The following SMARCA4 variants were observed in gnomAD, a reference collection of about 807,000 sequenced individuals.
SMARCA4 encodes the protein SWI/SNF-related matrix-associated actin-dependent regulator of chromatin subfamily A member 4.
Under a neutral mutation model 193.9 loss-of-function variants are expected in SMARCA4, and 31 were observed. The ratio of observed to expected loss-of-function variants is 0.16; its 90% confidence interval spans 0.12 to 0.22. The LOEUF (loss-of-function observed/expected upper bound fraction) is 0.22. SMARCA4 is among the 10% of genes least tolerant of loss of function. SMARCA4 has a pLI of 1.00. For synonymous variants in SMARCA4, 942 were observed against 933.1 expected, an observed-to-expected ratio of 1.01 and a Z score of -0.17; for missense variants, 1,148 against 2,296.0, an observed-to-expected ratio of 0.50 and a Z score of 10.22.
chr19:10,976,279 C>T (rs1013107005), intron 1 of SMARCA4, among the ~76,000 whole-genome samples: 6 of 152,132 alleles, frequency 3.9e-5, no homozygotes, highest in South Asian at 2.1e-4. Context: ...TTGGCCTTCC[C>T]GTGTAGACAT....
intron 34 of SMARCA4, among the ~76,000 whole-genome samples, chr19:11,061,143 G>A (rs1280545636): frequency 3.5e-5 from 5 of 142,506 alleles, no homozygotes; most frequent in African/African-American, 1.3e-4. Flanking sequence ...AGCCGTGATA[G>A]CACCACTGCA....
At chr19:11,050,237 C>T (rs893179816) in intron 30 of SMARCA4, among the ~76,000 whole-genome samples, 3 of 152,234 alleles carry the variant, frequency 2.0e-5, no homozygotes, top group Admixed American at 1.3e-4. Flanking sequence ...AAGACGGTGA[C>T]GGGTCCAGGC....
At chr19:10,982,668 C>CT (rs1231371625) in intron 1 of SMARCA4, among the ~76,000 whole-genome samples, 6 of 150,442 alleles carry the variant, frequency 4.0e-5, no homozygotes, top group South Asian at 2.1e-4. Context: ...CCCGGCTAAG[C>CT]TTTTTTTTTG....
At chr19:11,023,148 C>T (rs2089996573) in intron 19 of SMARCA4, among the ~76,000 whole-genome samples, 1 of 152,198 alleles carries the variant, frequency 6.6e-6, no homozygotes, top group Admixed American at 6.5e-5. Flanking sequence ...CTGGCCCCTG[C>T]AGCGCTCCTG....
In SMARCA4 at chr19:11,060,123, C is replaced by T. The variant is rs878854234; in HGVS notation, c.4847C>T (p.Pro1616Leu). 37 of 1,550,818 alleles carry T rather than the reference C, an allele frequency of 2.4e-5. No homozygotes were observed. Among genetic ancestry groups the T allele is most frequent in the African/African-American group, 2.7e-5 (2 of 73,044 alleles). Residue 1616 changes from proline (P) to leucine (L), a missense_variant, in exon 34 of 35, where the codon CCG becomes CTG. By Grantham distance (98) the Pro-to-Leu change is moderately conservative. This residue lies in a region of SMARCA4 where 105 missense variants were observed against 133.7 expected (regional missense o/e 0.79). Coordinates refer to ENST00000344626, the MANE Select transcript of SMARCA4 (RefSeq NM_003072.5). ...QDRLKGGRRR[P>L]SRGSRAKPVV... ...CGGCTGAAGGGCGGCCGGCGGCGGC[C>T]GAGCCGAGGGTCCCGAGCCAAGCCG...
chr19:10,978,243 G>A (rs887481251), intron 1 of SMARCA4, among the ~76,000 whole-genome samples: 11 of 152,186 alleles, frequency 7.2e-5, no homozygotes, highest in Non-Finnish European at 1.3e-4. Context: ...TACGGTAGAC[G>A]AGGATTTCTT....
intron 18 of SMARCA4, chr19:11,020,658 C>T (rs1457896732): frequency 6.6e-6 from 1 of 152,352 alleles, no homozygotes; most frequent in African/African-American, 2.4e-5. Flanking sequence ...CTCAAGGAAT[C>T]CTCTCGCCTT....
Position 11,058,699 on chromosome 19 carries a change from T to C in SMARCA4, c.4534-89T>C. ...ACATCCTCATAGGCACGAGGAATCC[T>C]AGCCCGTGGGGTCTCCAGCACACAG... On this transcript the variant is annotated intron_variant, in intron 31 of 34. Coordinates refer to ENST00000344626, the MANE Select transcript of SMARCA4 (RefSeq NM_003072.5). This position sits in a 1 kb window ranked among gnomAD's most constrained non-coding sequence, Gnocchi z 5.8. 1 of 1,131,718 alleles carries C rather than the reference T, an allele frequency of 8.8e-7. No homozygotes were observed. The highest frequency in any genetic ancestry group is 1.2e-5 in the South Asian group (1 of 80,284). 70.1% of individuals were successfully genotyped at this position (1,131,718 alleles called of 1,614,324 possible). A position where few individuals can be genotyped will look rare whatever the true frequency, so the allele number is the denominator to read the frequency against.
At chr19:10,999,736 C>G (rs913028184) in intron 11 of SMARCA4, among the ~76,000 whole-genome samples, 1 of 152,190 alleles carries the variant, frequency 6.6e-6, no homozygotes, top group Non-Finnish European at 1.5e-5. Flanking sequence ...TTATCCTTTC[C>G]GCCTTTCCAT....
At chr19:10,988,431 T>C (rs1292724940) in intron 6 of SMARCA4, among the ~76,000 whole-genome samples, 3 of 152,184 alleles carry the variant, frequency 2.0e-5, no homozygotes, top group Non-Finnish European at 4.4e-5. Context: ...ATGATTGATA[T>C]CAGATCTACT....
chr19:10,988,196 C>G (rs549787494), intron 6 of SMARCA4, among the ~76,000 whole-genome samples: 1 of 152,198 alleles, frequency 6.6e-6, no homozygotes, highest in East Asian at 1.9e-4. Context: ...TCTCGGTTCA[C>G]TGCAACCTGC....
chr19:11,054,260 C>T (rs2076419520), intron 30 of SMARCA4, among the ~76,000 whole-genome samples: 1 of 152,228 alleles, frequency 6.6e-6, no homozygotes, highest in African/African-American at 2.4e-5. Flanking sequence ...TTCCTGGTGT[C>T]CAACCCTGAG....
intron 11 of SMARCA4, among the ~76,000 whole-genome samples, chr19:11,001,241 G>C (rs2087605877): frequency 6.6e-6 from 1 of 152,036 alleles, no homozygotes; most frequent in Non-Finnish European, 1.5e-5. Flanking sequence ...GGCTGAGGTG[G>C]GAGGATTGCT....
chr19:10,988,448 A>T (rs1158846797), intron 6 of SMARCA4, among the ~76,000 whole-genome samples: 1 of 152,166 alleles, frequency 6.6e-6, no homozygotes, highest in Non-Finnish European at 1.5e-5. Flanking sequence ...TACTCCGTGG[A>T]TTAAAACCTG....
At chr19:11,006,648 A>G (rs1355554719) in intron 13 of SMARCA4, among the ~76,000 whole-genome samples, 1 of 152,116 alleles carries the variant, frequency 6.6e-6, no homozygotes, top group Non-Finnish European at 1.5e-5. Flanking sequence ...TACCTAGGAA[A>G]TCCAAGAGAA....
intron 16 of SMARCA4, chr19:11,018,349 A>C: frequency 9.8e-6 from 2 of 204,742 alleles, no homozygotes; most frequent in Non-Finnish European, 1.0e-5. Flanking sequence ...ACCCCTCCCC[A>C]CTGCATTCTG....
At chr19:10,989,579 C>T in intron 7 of SMARCA4, 136 bp downstream of exon 7, 1 of 938,600 alleles carries the variant, frequency 1.1e-6, no homozygotes, top group South Asian at 1.5e-5. Flanking sequence ...CATCCATGGG[C>T]ACTCAATCAC....
chr19:11,025,309 C>A, intron 21 of SMARCA4, 113 bp from the exon 22 acceptor site: 1 of 742,740 alleles, frequency 1.3e-6, no homozygotes, highest in Non-Finnish European at 2.4e-6. Flanking sequence ...AAAAGCCACT[C>A]TTCCCCACTA....
chr19:11,013,539 C>T (rs937991183), intron 16 of SMARCA4, among the ~76,000 whole-genome samples: 1 of 152,166 alleles, frequency 6.6e-6, no homozygotes, highest in Non-Finnish European at 1.5e-5. Flanking sequence ...CAGCTCCACC[C>T]GTCACAGCCT....
Sources: gnomAD v4.1 joint callset for allele counts (sites outside exome capture counted in the v4.1 genomes callset) on GRCh38, gnomAD v4.1.1 for gene constraint, gnomAD v4.1.1 regional missense constraint, Gnocchi (gnomAD v3.1) non-coding constraint, MANE v1.5 for transcripts, NCBI Gene and HGNC (gene_info 2026-07-23, HGNC 2026-07-21) for gene names.